The following RAPGEF1 variants were observed in gnomAD, a reference collection of about 807,000 sequenced individuals.
RAPGEF1 encodes the protein Rap guanine nucleotide exchange factor 1.
RAPGEF1 carries 33 observed loss-of-function variants against 143.3 expected under a neutral mutation model. The ratio of observed to expected loss-of-function variants is 0.23; its 90% confidence interval spans 0.17 to 0.31. The LOEUF is 0.31. Ranked by LOEUF, RAPGEF1 falls within the 10% of genes least tolerant of loss-of-function variation. The pLI is 1.00. For missense variants in RAPGEF1, 1,199 were observed against 1,645.4 expected (o/e 0.73, Z 4.69); for synonymous variants, 629 against 676.5 (o/e 0.93, Z 1.09).
chr9:131,648,866 A>G (rs1468641580), intron 3 of RAPGEF1, among the ~76,000 whole-genome samples: 2 of 152,208 alleles, frequency 1.3e-5, no homozygotes. Flanking sequence ...GAACTGCAAA[A>G]TTCAAGAATT....
rs750986831 is a variant in RAPGEF1, at chr9:131,626,270, C to G, written c.1354G>C (p.Gly452Arg). 4.3e-6 allele frequency: 7 copies of G among 1,613,958 alleles called. No homozygotes were observed. The South Asian group carries it at 7.7e-5, about 18-fold the overall frequency. ...GGTCCGTCTGGCTGGGGATGGCCGC[C>G]AAGAGGCAGCTGGAAAGGAGGGCCA... ...FLGPPFQLPL[G>R]GHPQPDGPLA... Residue 452 changes from glycine to arginine, a missense_variant, in exon 10 of 27, where the codon GGC becomes CGC. Physicochemically the swap from Gly to Arg is moderately radical, Grantham distance 125. This residue lies in a region of RAPGEF1 where 613 missense variants were observed against 710.9 expected (regional missense o/e 0.86). Coordinates refer to ENST00000683357, the MANE Select transcript of RAPGEF1 (RefSeq NM_001377935.1).
chr9:131,604,115 C>T, intron 13 of RAPGEF1, 62 bp from the exon 14 acceptor site: 1 of 1,106,024 alleles, frequency 9.0e-7, no homozygotes, highest in Non-Finnish European at 1.2e-6. Context: ...GCCCTCACAG[C>T]TGGCCAGGGG....
At chr9:131,711,361 C>CTTT (rs71374121) in intron 1 of RAPGEF1, among the ~76,000 whole-genome samples, 29,730 of 130,028 alleles carry the variant, frequency 0.23, 3,831 homozygotes, top group Non-Finnish European at 0.3. Flanking sequence ...CTATTATCAC[C>CTTT]TTTTTTTTTT....
In RAPGEF1 at chr9:131,599,242, A is replaced by T. The variant is rs548389890; in HGVS notation, c.2502-932T>A. ...TGGGCTCAAGCCATCCTCCCACCTT[A>T]GTCTCCCAAGTAGCGAGGACTACAG... On this transcript the variant is annotated intron_variant, in intron 15 of 26. Coordinates refer to ENST00000683357, the MANE Select transcript of RAPGEF1 (RefSeq NM_001377935.1). Among the ~76,000 whole-genome samples the T allele has an allele frequency of 3.4e-3, 519 of 151,394 alleles. 2 individuals are homozygous for T. The highest frequency in any genetic ancestry group is 0.012 in the African/African-American group (489 of 41,210).
rs928735824 is a variant in RAPGEF1, at chr9:131,739,712, C to T, written c.61+58G>A. ...GGCGACCCGCGCTCGGCCCGGGGAG[C>T]GGCGGAGCCCCAGGGCCGGGCCCGG... On this transcript the variant is annotated intron_variant, in intron 1 of 26. Transcript: ENST00000683357. 245 of 1,028,926 alleles carry T rather than the reference C, an allele frequency of 2.4e-4. 1 individual carries two copies. The highest frequency in any genetic ancestry group is 7.0e-4 in the Admixed American group (12 of 17,208). The allele number at this position is 1,028,926 out of a possible 1,614,324, so 63.7% of individuals were successfully genotyped here.
intron 1 of RAPGEF1, among the ~76,000 whole-genome samples, chr9:131,730,350 A>G (rs553248179): frequency 3.9e-5 from 6 of 152,132 alleles, no homozygotes; most frequent in South Asian, 4.2e-4. Context: ...ACAAGCCTCA[A>G]TAAGTCCACC....
chr9:131,628,398 A>T lies in RAPGEF1; in HGVS notation c.1017+151T>A. The T allele has an allele frequency of 8.8e-7, 1 of 1,133,892 alleles. No individual in the cohort carries two copies. Among genetic ancestry groups the T allele is most frequent in the Non-Finnish European group, 1.2e-6 (1 of 818,238 alleles). The allele number at this position is 1,133,892 out of a possible 1,614,324, so 70.2% of individuals were successfully genotyped here. A position where few individuals can be genotyped will look rare whatever the true frequency, so the allele number is the denominator to read the frequency against. On this transcript the variant is annotated intron_variant, in intron 8 of 26. Transcript: ENST00000683357. This position sits in a 1 kb window ranked among gnomAD's most constrained non-coding sequence, Gnocchi z 5.7. ...TATGGGAACTTGGACCGTGTCCTGG[A>T]GAGAGAGGGATGGGTACAAGGTCTC...
Position 131,583,848 on chromosome 9 carries a change from A to T in RAPGEF1, c.3414+463T>A, listed in dbSNP as rs1952264815. On this transcript the variant is annotated intron_variant, in intron 24 of 26. Transcript: ENST00000683357. The surrounding 1 kb of genome is among the most constrained non-coding windows in gnomAD (Gnocchi z 4.7). The stretch of plus-strand genomic sequence containing the variant: ...CCAGGAAACTCCTCCTCCTCTGCAG[A>T]TGGTGGCATGAGTGACACTTCCTCT... 6.6e-6 allele frequency among the ~76,000 whole-genome samples: 1 copy of T among 152,072 alleles called. No homozygotes were observed. Among genetic ancestry groups the T allele is most frequent in the African/African-American group, 2.4e-5 (1 of 41,388 alleles).
intron 1 of RAPGEF1, among the ~76,000 whole-genome samples, chr9:131,695,735 T>C (rs553196129): frequency 2.6e-5 from 4 of 152,308 alleles, no homozygotes; most frequent in African/African-American, 9.6e-5. Context: ...TCTCTCTGGT[T>C]GGAATGATGG....
chr9:131,685,372 A>T lies in RAPGEF1; in HGVS notation c.62-34423T>A, dbSNP rs1178372039. Among the ~76,000 whole-genome samples, 3 of 152,362 alleles carry T rather than the reference A, an allele frequency of 2.0e-5. No homozygotes were observed. In the East Asian group the frequency reaches 5.8e-4, roughly 29 times the overall value. On this transcript the variant is annotated intron_variant, in intron 1 of 26. Transcript: ENST00000683357. ...ACTGGCCATAAACAATCTCTGCAGC[A>T]CTGGGACATTTTCATGATGGCCATA...
intron 1 of RAPGEF1, among the ~76,000 whole-genome samples, chr9:131,723,834 A>T (rs1004660717): frequency 6.6e-6 from 1 of 152,094 alleles, no homozygotes; most frequent in Non-Finnish European, 1.5e-5. Context: ...TTCTATTTTT[A>T]GTTTTTTGGC....
At chr9:131,666,176 A>T (rs1321262694) in intron 1 of RAPGEF1, among the ~76,000 whole-genome samples, 1 of 152,248 alleles carries the variant, frequency 6.6e-6, no homozygotes, top group Non-Finnish European at 1.5e-5. Flanking sequence ...AAGTAGTTCT[A>T]GCACACGAGT....
Position 131,621,334 on chromosome 9 carries a change from C to T in RAPGEF1, c.1905+462G>A, listed in dbSNP as rs898371162. Among the ~76,000 whole-genome samples, 1 of 152,210 alleles carries T rather than the reference C, an allele frequency of 6.6e-6. No homozygotes were observed. The highest frequency in any genetic ancestry group is 6.5e-5 in the Admixed American group (1 of 15,290). On this transcript the variant is annotated intron_variant, in intron 11 of 26. Transcript: ENST00000683357. This position sits in a 1 kb window ranked among gnomAD's most constrained non-coding sequence, Gnocchi z 4.5. ...GCACTTGTTTTCCTTGGGCCCTCCC[C>T]GGCCAAGGCTGGGTTGTAAGTCACT...
intron 1 of RAPGEF1, among the ~76,000 whole-genome samples, chr9:131,705,636 G>A (rs746346204): frequency 3.9e-5 from 6 of 152,120 alleles, no homozygotes; most frequent in East Asian, 1.9e-4. Flanking sequence ...TCTCGACCAC[G>A]AGAAGCATCC....
At chr9:131,652,913 G>C (rs1245927135) in intron 1 of RAPGEF1, among the ~76,000 whole-genome samples, 1 of 152,142 alleles carries the variant, frequency 6.6e-6, no homozygotes. Flanking sequence ...CCACAAACAG[G>C]TGAGTAATGC....
chr9:131,596,363 C>T lies in RAPGEF1; in HGVS notation c.2624G>A (p.Gly875Glu), dbSNP rs1237192107. 2 of 1,613,992 alleles carry T rather than the reference C, an allele frequency of 1.2e-6. No individual in the cohort carries two copies. The highest frequency in any genetic ancestry group is 1.7e-6 in the Non-Finnish European group (2 of 1,179,874). ...CCCAGATCCTCCGCGGACGTCCGGCCCGTCATCACCCTGTAATGAACACAG... is the reference window on the plus strand; with the variant it reads ...CCCAGATCCTCCGCGGACGTCCGGCTCGTCATCACCCTGTAATGAACACAG... ...RLTLKQEGDDGPDVRGGSGDI... is the reference protein window; with the variant it reads ...RLTLKQEGDDEPDVRGGSGDI... Residue 875 changes from glycine to glutamate, a missense_variant, in exon 17 of 27, where the codon GGG becomes GAG. Transcript: ENST00000683357.
chr9:131,609,913 T>C lies in RAPGEF1; in HGVS notation c.2062-4725A>G, dbSNP rs370463719. 5.2e-4 allele frequency among the ~76,000 whole-genome samples: 79 copies of C among 152,350 alleles called. No homozygotes were observed. In the South Asian group the frequency reaches 9.3e-3, roughly 18 times the overall value. Reference sequence around the variant, plus strand: ...AAGATCTTTTTCTTCCTTTCTTTTTTTGAGACAGGGTCTCGCTCTGTCACC... The same window carrying C: ...AAGATCTTTTTCTTCCTTTCTTTTTCTGAGACAGGGTCTCGCTCTGTCACC... On this transcript the variant is annotated intron_variant, in intron 12 of 26. Transcript: ENST00000683357.
Position 131,605,012 on chromosome 9 carries a change from G to A in RAPGEF1, c.2238C>T (p.Asp746=), listed in dbSNP as rs572696645. The A allele has an allele frequency of 1.2e-5, 16 of 1,359,394 alleles. No homozygotes were observed. Among genetic ancestry groups the A allele is most frequent in the African/African-American group, 8.9e-5 (6 of 67,744 alleles). The allele number at this position is 1,359,394 out of a possible 1,614,324, so 84.2% of individuals were successfully genotyped here. The change falls in exon 13 of 27, where the codon GAC becomes GAT. Residue 746 remains aspartate (D), a synonymous_variant. Coordinates refer to ENST00000683357, the MANE Select transcript of RAPGEF1 (RefSeq NM_001377935.1). ...TMAGPPPSTV[D]GPLSASQESS... ...TCTCCTGAGAAGCCGAGAGAGGCCC[G>A]TCCACGGTGCTGGGAGGTGGACCGG...
At chr9:131,725,945 G>C (rs563106983) in intron 1 of RAPGEF1, among the ~76,000 whole-genome samples, 11 of 151,910 alleles carry the variant, frequency 7.2e-5, no homozygotes, top group Admixed American at 5.2e-4. Flanking sequence ...TTTTTTAGTA[G>C]AGACGGGGTT....
Sources: allele counts gnomAD v4.1 joint callset (sites outside exome capture counted in the v4.1 genomes callset), GRCh38; gene constraint gnomAD v4.1.1; regional missense constraint gnomAD v4.1.1; non-coding constraint Gnocchi (gnomAD v3.1); transcripts MANE v1.5; gene names NCBI Gene and HGNC (gene_info 2026-07-23, HGNC 2026-07-21).